The following MREG variants were observed in gnomAD, a reference collection of about 807,000 sequenced individuals.
MREG encodes the protein melanoregulin, also known as dilute suppressor protein homolog.
In MREG, 31 loss-of-function variants were observed where a neutral mutation model predicts 28.5. The observed-to-expected ratio is 1.09, with a 90% CI of 0.82 to 1.47. The LOEUF (loss-of-function observed/expected upper bound fraction) is 1.47. MREG is among the 40% of genes most tolerant of loss of function. MREG has a pLI of 0.00. For synonymous variants in MREG, 106 were observed against 95.2 expected, an observed-to-expected ratio of 1.11 and a Z score of -0.66; for missense variants, 256 against 257.4, an observed-to-expected ratio of 0.99 and a Z score of 0.04.
chr2:215,998,606 G>A (rs567586374), intron 1 of MREG, among the ~76,000 whole-genome samples: 5 of 152,106 alleles, frequency 3.3e-5, no homozygotes, highest in East Asian at 1.9e-4. Context: ...TCAGAACCAC[G>A]CTGTTTTTAC....
intron 2 of MREG, among the ~76,000 whole-genome samples, chr2:215,983,883 T>C (rs967026312): frequency 3.3e-5 from 5 of 152,198 alleles, no homozygotes; most frequent in East Asian, 1.9e-4. Flanking sequence ...AGGATAAGCG[T>C]AGAATTTCTG....
chr2:215,979,247 T>C (rs1693345414), intron 2 of MREG, among the ~76,000 whole-genome samples: 1 of 152,136 alleles, frequency 6.6e-6, no homozygotes, highest in African/African-American at 2.4e-5. Flanking sequence ...GTGGATCATC[T>C]GAGGTCGGAA....
intron 2 of MREG, among the ~76,000 whole-genome samples, chr2:215,965,187 T>A (rs947240644): frequency 6.6e-6 from 1 of 152,240 alleles, no homozygotes; most frequent in African/African-American, 2.4e-5. Context: ...ATGTTTCAGA[T>A]GGCAACTCAC....
In MREG at chr2:215,987,569, A is replaced by G. The variant is rs536806930; in HGVS notation, c.255+8737T>C. Among the ~76,000 whole-genome samples the G allele has an allele frequency of 1.6e-4, 24 of 152,242 alleles. 1 individual carries two copies. In the South Asian group the frequency reaches 4.4e-3, roughly 28 times the overall value. On this transcript the variant is annotated intron_variant, in intron 2 of 4. Transcript: ENST00000263268. ...AACATAAGCAACTTTTAAAAACTAC[A>G]TTACTTTTATACTTTTAAAAGAAGA...
intron 1 of MREG, among the ~76,000 whole-genome samples, chr2:216,032,581 C>T (rs1316547337): frequency 6.6e-6 from 1 of 152,150 alleles, no homozygotes; most frequent in African/African-American, 2.4e-5. Context: ...TAGCTTTACA[C>T]CATCAAACAT....
intron 2 of MREG, among the ~76,000 whole-genome samples, chr2:215,978,026 A>C (rs1020038471): frequency 4.6e-5 from 7 of 152,202 alleles, no homozygotes; most frequent in South Asian, 4.1e-4. Flanking sequence ...GAAATCACTT[A>C]AAATCAGAGC....
At chr2:216,026,614 G>A (rs1180302280) in intron 1 of MREG, among the ~76,000 whole-genome samples, 1 of 152,090 alleles carries the variant, frequency 6.6e-6, no homozygotes, top group African/African-American at 2.4e-5. Flanking sequence ...ACCCGCCTCT[G>A]CCTCACAAAG....
intron 2 of MREG, among the ~76,000 whole-genome samples, chr2:215,955,934 A>G (rs1368857465): frequency 1.3e-5 from 2 of 152,218 alleles, no homozygotes; most frequent in Non-Finnish European, 2.9e-5. Context: ...GTCTGGAGAA[A>G]GGTCTCCAGT....
intron 3 of MREG, among the ~76,000 whole-genome samples, chr2:215,946,561 G>A (rs1038479232): frequency 1.3e-5 from 2 of 152,152 alleles, no homozygotes; most frequent in African/African-American, 4.8e-5. Context: ...CTACCCTAAT[G>A]CCACAAGTGT....
At chr2:216,003,144 G>A (rs1026331793) in intron 1 of MREG, among the ~76,000 whole-genome samples, 6 of 151,752 alleles carry the variant, frequency 4.0e-5, no homozygotes, top group East Asian at 3.9e-4. Context: ...CTGGGGTGTC[G>A]GGGGGCGATT....
intron 1 of MREG, among the ~76,000 whole-genome samples, chr2:216,018,720 A>G (rs1395055239): frequency 6.6e-6 from 1 of 152,244 alleles, no homozygotes; most frequent in Non-Finnish European, 1.5e-5. Context: ...ATGTTACCAA[A>G]GTAAAATCCG....
intron 2 of MREG, among the ~76,000 whole-genome samples, chr2:215,989,572 G>A (rs1693669148): frequency 6.6e-6 from 1 of 152,100 alleles, no homozygotes; most frequent in African/African-American, 2.4e-5. Flanking sequence ...GTAGACCTCA[G>A]AAAGTGGGTA....
intron 2 of MREG, among the ~76,000 whole-genome samples, chr2:215,953,898 C>T (rs536568579): frequency 6.6e-6 from 1 of 152,192 alleles, no homozygotes; most frequent in Admixed American, 6.5e-5. Context: ...CCACCCTTGC[C>T]TCCAGGAAAA....
At chr2:216,030,840 G>A (rs1472047941) in intron 1 of MREG, among the ~76,000 whole-genome samples, 1 of 150,574 alleles carries the variant, frequency 6.6e-6, no homozygotes, top group Admixed American at 6.7e-5. Flanking sequence ...TAGGATTACA[G>A]ATGTTTTGAT....
intron 2 of MREG, among the ~76,000 whole-genome samples, chr2:215,994,559 T>A (rs886095478): frequency 7.4e-5 from 11 of 149,256 alleles, no homozygotes; most frequent in South Asian, 2.1e-4. Flanking sequence ...AGTATAATTT[T>A]AAAAAAAAAG....
intron 2 of MREG, among the ~76,000 whole-genome samples, chr2:215,949,087 C>CTAA (rs58773562): frequency 0.021 from 2,624 of 124,490 alleles, 63 homozygotes; most frequent in Admixed American, 0.058. Context: ...ACTACTACTA[C>CTAA]TAATAATAAT....
In MREG at chr2:215,967,685, T is replaced by C. The variant is rs148607946; in HGVS notation, c.256-20572A>G. On this transcript the variant is annotated intron_variant, in intron 2 of 4. Coordinates refer to ENST00000263268, the MANE Select transcript of MREG (RefSeq NM_018000.3). Reference sequence around the variant, plus strand: ...GCCTTAAGTAGAGGCCAGCAAACTTTTTATGTGTATTTTATGTTGGGGTTC... The same window carrying C: ...GCCTTAAGTAGAGGCCAGCAAACTTCTTATGTGTATTTTATGTTGGGGTTC... Among the ~76,000 whole-genome samples the C allele has an allele frequency of 5.4e-4, 83 of 152,310 alleles. No homozygotes were observed. In the East Asian group the frequency reaches 0.015, roughly 27 times the overall value.
In MREG at chr2:216,000,605, G is replaced by A. The variant is rs187945652; in HGVS notation, c.96-4140C>T. The stretch of plus-strand genomic sequence containing the variant: ...ATTTCTATGTCTTGTCTCCTCAACA[G>A]GTGGGTCAGTTCCTCTAGGGCAGGG... On this transcript the variant is annotated intron_variant, in intron 1 of 4. Transcript: ENST00000263268. Among the ~76,000 whole-genome samples the A allele has an allele frequency of 3.9e-5, 6 of 152,272 alleles. No homozygotes were observed. In the East Asian group the frequency reaches 1.2e-3, roughly 29 times the overall value.
chr2:215,972,837 G>A (rs1693141811), intron 2 of MREG, among the ~76,000 whole-genome samples: 1 of 152,110 alleles, frequency 6.6e-6, no homozygotes, highest in Admixed American at 6.5e-5. Context: ...ATGAATTGGG[G>A]TTTACAGGTT....
Sources: allele counts gnomAD v4.1 joint callset (sites outside exome capture counted in the v4.1 genomes callset), GRCh38; gene constraint gnomAD v4.1.1; transcripts MANE v1.5; gene names NCBI Gene and HGNC (gene_info 2026-07-23, HGNC 2026-07-21).